Variants in SMAD3 observed in about 807,000 individuals in gnomAD.
The protein encoded by SMAD3 is SMAD family member 3, also known as MAD homolog 3.
Under a neutral mutation model 51.8 loss-of-function variants are expected in SMAD3, and 12 were observed. That is an observed-to-expected ratio of 0.23 (90% CI 0.15 to 0.38). The LOEUF is 0.38. Ranked by LOEUF, SMAD3 falls within the 10% of genes least tolerant of loss-of-function variation. The pLI, the probability that SMAD3 is intolerant of heterozygous loss-of-function variation, is 1.00. For missense variants in SMAD3, 294 were observed against 565.6 expected (o/e 0.52, Z 4.87); for synonymous variants, 238 against 227.7 (o/e 1.05, Z -0.41).
intron 1 of SMAD3, among the ~76,000 whole-genome samples, chr15:67,119,924 G>A (rs1961221139): frequency 6.6e-6 from 1 of 152,120 alleles, no homozygotes; most frequent in South Asian, 2.1e-4. Context: ...AGCCCCTCAG[G>A]TAGCTGGGAT....
At chr15:67,140,777 A>T (rs1268074206) in intron 1 of SMAD3, among the ~76,000 whole-genome samples, 1 of 152,184 alleles carries the variant, frequency 6.6e-6, no homozygotes, top group South Asian at 2.1e-4. Context: ...TTGGAAGCTT[A>T]GGCTAGGGTT....
intron 1 of SMAD3, among the ~76,000 whole-genome samples, chr15:67,127,690 T>C (rs894531095): frequency 2.0e-5 from 3 of 152,252 alleles, no homozygotes; most frequent in African/African-American, 7.2e-5. Flanking sequence ...TTCAGACTTT[T>C]TGAAATTGAT....
chr15:67,100,045 G>A (rs903111740), intron 1 of SMAD3, among the ~76,000 whole-genome samples: 3 of 152,048 alleles, frequency 2.0e-5, no homozygotes, highest in Admixed American at 2.0e-4. Flanking sequence ...GCCGGGCATG[G>A]TGCCACATGC....
chr15:67,107,365 C>T (rs924196255), intron 1 of SMAD3, among the ~76,000 whole-genome samples: 4 of 152,072 alleles, frequency 2.6e-5, no homozygotes, highest in African/African-American at 9.7e-5. Flanking sequence ...ACCTGCTGCG[C>T]CACTCCCACC....
At chr15:67,166,874 C>T in intron 4 of SMAD3, 21 bp downstream of exon 4, 2 of 1,562,762 alleles carry the variant, frequency 1.3e-6, no homozygotes, top group Non-Finnish European at 1.7e-6. Flanking sequence ...CAGGGTCATG[C>T]TCTTATTCTT....
chr15:67,134,899 T>G (rs1961618612), intron 1 of SMAD3, among the ~76,000 whole-genome samples: 3 of 152,120 alleles, frequency 2.0e-5, no homozygotes, highest in African/African-American at 7.2e-5. Flanking sequence ...ACAAGGAATC[T>G]GAGGTTTAAA....
At chr15:67,126,977 C>T (rs71398296) in intron 1 of SMAD3, among the ~76,000 whole-genome samples, 11,674 of 152,264 alleles carry the variant, frequency 0.077, 612 homozygotes, top group East Asian at 0.25. Context: ...GCAGCTCTTA[C>T]GGCCACTGCC....
In SMAD3 at chr15:67,170,887, G is replaced by A. The variant is rs558621736; in HGVS notation, c.658+283G>A. 2.6e-5 allele frequency among the ~76,000 whole-genome samples: 4 copies of A among 152,340 alleles called. No homozygotes were observed. In the South Asian group the frequency reaches 6.2e-4, roughly 24 times the overall value. On this transcript the variant is annotated intron_variant, in intron 5 of 8. Transcript: ENST00000327367. ...AAAATTCCCCCAAACTTTATGCCCA[G>A]GAGAACGAGGGTCTGTGGTCAGCTA...
chr15:67,194,651 T>C lies in SMAD3; in HGVS notation c.*4115T>C, dbSNP rs994134300. 1.7e-5 allele frequency: 4 copies of C among 231,758 alleles called. No individual in the cohort carries two copies. The highest frequency in any genetic ancestry group is 6.6e-5 in the African/African-American group (3 of 45,176). 14.4% of individuals were successfully genotyped at this position (231,758 alleles called of 1,614,324 possible). On this transcript the variant is annotated 3_prime_UTR_variant, in exon 9 of 9. Transcript: ENST00000327367. ...CTCCCAAGGACAGTGGCTGGAAGAG[T>C]TGGGGCACAGCCAGTTCTGAATGTT... is the stretch of plus-strand genomic sequence containing the variant.
chr15:67,106,160 C>T (rs993691678), intron 1 of SMAD3, among the ~76,000 whole-genome samples: 2 of 152,194 alleles, frequency 1.3e-5, no homozygotes, highest in African/African-American at 2.4e-5. Context: ...CCTGTACCCT[C>T]CTCTCCACTG....
chr15:67,163,276 A>G (rs1254090914), intron 1 of SMAD3, among the ~76,000 whole-genome samples: 1 of 152,168 alleles, frequency 6.6e-6, no homozygotes, highest in East Asian at 1.9e-4. Flanking sequence ...GGTCTTGCCC[A>G]GTGGAATGGA....
rs899924192 is a variant in SMAD3 at position 67,191,515 on chromosome 15, C to T, written c.*979C>T. 1.7e-5 allele frequency: 4 copies of T among 233,182 alleles called. No individual in the cohort carries two copies. The highest frequency in any genetic ancestry group is 3.4e-5 in the Non-Finnish European group (4 of 118,008). 14.4% of individuals were successfully genotyped at this position (233,182 alleles called of 1,614,324 possible). ...TTCATTAAATCAACTTTATCATATG[C>T]TCTTTTAAATGTTTGGTTTATATAT... On this transcript the variant is annotated 3_prime_UTR_variant, in exon 9 of 9. Coordinates refer to ENST00000327367, the MANE Select transcript of SMAD3 (RefSeq NM_005902.4).
intron 5 of SMAD3, among the ~76,000 whole-genome samples, chr15:67,172,098 T>A (rs956874131): frequency 6.6e-6 from 1 of 152,158 alleles, no homozygotes; most frequent in Admixed American, 6.5e-5. Context: ...TGAAAGGTGG[T>A]CATTTGCTGT....
chr15:67,138,478 C>CG (rs1448956724), intron 1 of SMAD3: 2 of 187,470 alleles, frequency 1.1e-5, no homozygotes, highest in African/African-American at 4.7e-5. Context: ...CTGTACTGAG[C>CG]GGTTCCCTGG....
chr15:67,123,252 T>C (rs1196645207), intron 1 of SMAD3, among the ~76,000 whole-genome samples: 3 of 150,832 alleles, frequency 2.0e-5, no homozygotes, highest in Non-Finnish European at 4.4e-5. Flanking sequence ...TCCCAGCACT[T>C]TGGGAGGCCG....
At chr15:67,149,528 C>G (rs2033785) in intron 1 of SMAD3, among the ~76,000 whole-genome samples, 38,877 of 152,086 alleles carry the variant, frequency 0.26, 5,140 homozygotes, top group East Asian at 0.41. Context: ...TGTTGCCACC[C>G]TGACATTGTT....
At chr15:67,079,055 G>A (rs1308032819) in intron 1 of SMAD3, among the ~76,000 whole-genome samples, 1 of 151,422 alleles carries the variant, frequency 6.6e-6, no homozygotes, top group South Asian at 2.1e-4. Flanking sequence ...CTTGGCTCAC[G>A]GCAACCTCTG....
At position 67,094,098 on chromosome 15, in the gene SMAD3, G is replaced by A. The variant is rs1208551218; in HGVS notation, c.206+27738G>A. ...CCAGGCCCTTGACCACCAATCCTGT[G>A]GAGGGGTCCTCAGGGCAGGCAGTGG... On this transcript the variant is annotated intron_variant, in intron 1 of 8. Coordinates refer to ENST00000327367, the MANE Select transcript of SMAD3 (RefSeq NM_005902.4). Among the ~76,000 whole-genome samples, 5 of 152,220 alleles carry A rather than the reference G, an allele frequency of 3.3e-5. No homozygotes were observed. The East Asian group carries it at 5.8e-4, about 18-fold the overall frequency.
chr15:67,138,908 C>A (rs2140262039), intron 1 of SMAD3, among the ~76,000 whole-genome samples: 1 of 152,340 alleles, frequency 6.6e-6, no homozygotes, highest in Admixed American at 6.5e-5. Flanking sequence ...TCTCTTTACT[C>A]TTTTAGTGGA....
Sources: allele counts gnomAD v4.1 joint callset (sites outside exome capture counted in the v4.1 genomes callset), GRCh38; gene constraint gnomAD v4.1.1; transcripts MANE v1.5; gene names NCBI Gene and HGNC (gene_info 2026-07-23, HGNC 2026-07-21).